CECR2: variants seen among roughly 807,000 people sequenced by gnomAD.
CECR2 encodes the protein CECR2 histone acetyl-lysine reader, also known as chromatin remodeling regulator CECR2.
In CECR2, 30 loss-of-function variants were observed where a neutral mutation model predicts 154.5. The observed-to-expected ratio is 0.19, with a 90% CI of 0.15 to 0.26. The LOEUF is 0.26. Ranked by LOEUF, CECR2 falls within the 10% of genes least tolerant of loss-of-function variation. The pLI is 1.00. For synonymous variants in CECR2, 725 were observed against 683.7 expected (o/e 1.06, Z -0.94); for missense variants, 1,743 against 1,829.3 (o/e 0.95, Z 0.86).
chr22:17,425,042 C>G lies in CECR2; in HGVS notation c.127-52546C>G, dbSNP rs553325283. 7.9e-5 allele frequency among the ~76,000 whole-genome samples: 12 copies of G among 152,296 alleles called. No homozygotes were observed. In the South Asian group the frequency reaches 2.3e-3, roughly 29 times the overall value. ...TTCTTTACAGTGTCTATTCTTGAAG[C>G]TTGGCTTTTACGTTAACTATGCATT... On this transcript the variant is annotated intron_variant, in intron 1 of 18. Transcript: ENST00000262608.
chr22:17,488,867 A>G (rs1222023410), intron 2 of CECR2, among the ~76,000 whole-genome samples: 1 of 152,178 alleles, frequency 6.6e-6, no homozygotes, highest in Non-Finnish European at 1.5e-5. Flanking sequence ...CTGTGAAATT[A>G]TTTTCCAAAC....
chr22:17,459,509 C>T (rs1350134455), intron 1 of CECR2, among the ~76,000 whole-genome samples: 1 of 152,032 alleles, frequency 6.6e-6, no homozygotes, highest in Non-Finnish European at 1.5e-5. Context: ...GACAGAGTTT[C>T]ACCACATTGC....
intron 1 of CECR2, among the ~76,000 whole-genome samples, chr22:17,414,220 C>T (rs1296368609): frequency 6.6e-6 from 1 of 152,130 alleles, no homozygotes; most frequent in Non-Finnish European, 1.5e-5. Context: ...GATCCGCCCG[C>T]CTTGGCCTCC....
At chr22:17,381,893 T>G (rs1172304242) in intron 1 of CECR2, among the ~76,000 whole-genome samples, 5 of 148,424 alleles carry the variant, frequency 3.4e-5, no homozygotes, top group African/African-American at 1.3e-4. Flanking sequence ...CATTTTTTTT[T>G]TTTGTTTTTT....
chr22:17,408,886 G>C (rs1165128864), intron 1 of CECR2, among the ~76,000 whole-genome samples: 2 of 152,272 alleles, frequency 1.3e-5, no homozygotes, highest in African/African-American at 2.4e-5. Flanking sequence ...CCATTGCTTA[G>C]TGGGGCCCAC....
intron 1 of CECR2, among the ~76,000 whole-genome samples, chr22:17,473,395 G>A (rs1335007766): frequency 6.6e-6 from 1 of 152,172 alleles, no homozygotes; most frequent in African/African-American, 2.4e-5. Flanking sequence ...GTCCCTTATT[G>A]CCTTAGTCTA....
At chr22:17,516,377 C>T (rs1393225089) in intron 8 of CECR2, among the ~76,000 whole-genome samples, 1 of 151,948 alleles carries the variant, frequency 6.6e-6, no homozygotes, top group Non-Finnish European at 1.5e-5. Flanking sequence ...GAAGGGAACA[C>T]AAATCTCGAA....
At chr22:17,514,394 A>G (rs1381502461) in intron 8 of CECR2, among the ~76,000 whole-genome samples, 1 of 152,150 alleles carries the variant, frequency 6.6e-6, no homozygotes, top group East Asian at 1.9e-4. Context: ...GTTCTGTTGA[A>G]TCGTCCTTGA....
At chr22:17,471,020 A>T (rs554527715) in intron 1 of CECR2, among the ~76,000 whole-genome samples, 1 of 152,348 alleles carries the variant, frequency 6.6e-6, no homozygotes, top group African/African-American at 2.4e-5. Context: ...AGCAGCTCTG[A>T]ACATAAATTC....
chr22:17,497,008 A>G (rs1309354269), intron 2 of CECR2, among the ~76,000 whole-genome samples: 2 of 152,122 alleles, frequency 1.3e-5, no homozygotes, highest in African/African-American at 2.4e-5. Context: ...AAATTTGTCA[A>G]CTGGGCCAAG....
intron 9 of CECR2, among the ~76,000 whole-genome samples, chr22:17,534,203 G>A (rs2056402474): frequency 1.3e-5 from 2 of 152,088 alleles, no homozygotes; most frequent in Admixed American, 1.3e-4. Flanking sequence ...GTGTGTGCCT[G>A]TAGTCCCAGC....
intron 2 of CECR2, among the ~76,000 whole-genome samples, chr22:17,479,191 A>G (rs1344574657): frequency 6.6e-6 from 1 of 152,246 alleles, no homozygotes; most frequent in African/African-American, 2.4e-5. Flanking sequence ...AGATATGCCC[A>G]TTTAAGATCT....
intron 1 of CECR2, among the ~76,000 whole-genome samples, chr22:17,378,441 T>C (rs1172710654): frequency 2.0e-5 from 3 of 151,422 alleles, no homozygotes; most frequent in South Asian, 2.1e-4. Context: ...GGACTACAGG[T>C]GCCCACCACC....
chr22:17,468,347 A>G (rs2055068261), intron 1 of CECR2, among the ~76,000 whole-genome samples: 1 of 152,122 alleles, frequency 6.6e-6, no homozygotes, highest in African/African-American at 2.4e-5. Context: ...ATTGTGTTCA[A>G]GTCACCAAGT....
intron 2 of CECR2, among the ~76,000 whole-genome samples, chr22:17,496,249 G>C (rs142456836): frequency 0.13 from 19,562 of 152,132 alleles, 1,475 homozygotes; most frequent in Non-Finnish European, 0.17. Context: ...TGTAATCCCA[G>C]CACTTTGTGA....
chr22:17,371,322 G>T (rs141474757), intron 1 of CECR2, among the ~76,000 whole-genome samples: 3 of 152,312 alleles, frequency 2.0e-5, no homozygotes, highest in African/African-American at 4.8e-5. Flanking sequence ...TCCTTAAGCT[G>T]ATTAAAACAA....
chr22:17,446,935 A>ATT (rs112375987), intron 1 of CECR2, among the ~76,000 whole-genome samples: 3 of 150,906 alleles, frequency 2.0e-5, no homozygotes, highest in African/African-American at 7.3e-5. Context: ...ACACTGGTGC[A>ATT]TTTTTACACA....
intron 1 of CECR2, among the ~76,000 whole-genome samples, chr22:17,392,368 A>G (rs2063334866): frequency 6.6e-6 from 1 of 151,996 alleles, no homozygotes; most frequent in South Asian, 2.1e-4. Flanking sequence ...CATGCCTGTA[A>G]TCCCAGCTAC....
At chr22:17,525,285 CCAAAAAAAAAAAAAAAAAAAA>C (rs2056241688) in intron 9 of CECR2, among the ~76,000 whole-genome samples, 1 of 32,322 alleles carries the variant, frequency 3.1e-5, no homozygotes, top group Admixed American at 5.6e-4. Flanking sequence ...AACTCCATCT[CCAAAAAAAAAAAAAAAAAAAA>C]AAAAAAAAAG....
Sources: gnomAD v4.1 joint callset for allele counts (sites outside exome capture counted in the v4.1 genomes callset) on GRCh38, gnomAD v4.1.1 for gene constraint, MANE v1.5 for transcripts, NCBI Gene and HGNC (gene_info 2026-07-23, HGNC 2026-07-21) for gene names.